The following RBFOX3 variants were observed in gnomAD, a reference collection of about 807,000 sequenced individuals.
The protein encoded by RBFOX3 is RNA binding fox-1 homolog 3, also known as RNA binding protein fox-1 homolog 3.
A neutral mutation model predicts 48.7 loss-of-function variants in RBFOX3; 17 were observed. The ratio of observed to expected loss-of-function variants is 0.35; its 90% confidence interval spans 0.24 to 0.52. The LOEUF (loss-of-function observed/expected upper bound fraction) is 0.52, where lower values mean the gene tolerates loss of function less well. Ranked by LOEUF, RBFOX3 falls within the 20% of genes least tolerant of loss-of-function variation. RBFOX3 has a pLI of 0.94. For synonymous variants in RBFOX3, 212 were observed against 209.5 expected (o/e 1.01, Z -0.10); for missense variants, 382 against 497.5 (o/e 0.77, Z 2.21).
intron 2 of RBFOX3, among the ~76,000 whole-genome samples, chr17:79,463,347 CCTCCACCGCCATCGCCACCGCCAG>C (rs2149290465): frequency 1.1e-5 from 1 of 90,418 alleles, no homozygotes; most frequent in Non-Finnish European, 2.5e-5. Context: ...ACCATCGCCA[CCTCCACCGCCATCGCCACCGCCAG>C]TGCCACCGCC....
At chr17:79,141,921 T>G (rs2144258997) in intron 4 of RBFOX3, among the ~76,000 whole-genome samples, 1 of 152,024 alleles carries the variant, frequency 6.6e-6, no homozygotes, top group African/African-American at 2.4e-5. Flanking sequence ...CTACCTGACC[T>G]CACAGGAAGA....
At chr17:79,620,637 A>G in the RBFOX3 span, among the ~76,000 whole-genome samples, 1 of 21,680 alleles carries the variant, frequency 4.6e-5, no homozygotes, top group African/African-American at 6.7e-5. Context: ...ACACACGCAC[A>G]CGCACACACA....
At chr17:79,526,815 G>A (rs1437846418) in intron 1 of RBFOX3, among the ~76,000 whole-genome samples, 5 of 152,330 alleles carry the variant, frequency 3.3e-5, no homozygotes, top group African/African-American at 7.2e-5. Context: ...GCACCTTCCC[G>A]TTATACCCAC....
intron 3 of RBFOX3, among the ~76,000 whole-genome samples, chr17:79,255,210 G>C (rs2064579986): frequency 6.9e-6 from 1 of 143,888 alleles, no homozygotes; most frequent in South Asian, 2.3e-4. Flanking sequence ...TGGCCCTGTG[G>C]TCACATGTGT....
chr17:79,432,100 A>G (rs1416519101), intron 2 of RBFOX3, among the ~76,000 whole-genome samples: 1 of 152,236 alleles, frequency 6.6e-6, no homozygotes, highest in African/African-American at 2.4e-5. Flanking sequence ...TTCTGGCTTC[A>G]TTCACACTGT....
At chr17:79,491,078 C>T (rs1260143357) in intron 1 of RBFOX3, among the ~76,000 whole-genome samples, 1 of 1,618 alleles carries the variant, frequency 6.2e-4, no homozygotes. Flanking sequence ...GGAGGGGAGG[C>T]GAGGGGAGGC....
chr17:79,268,737 G>A (rs924445674), intron 3 of RBFOX3, among the ~76,000 whole-genome samples: 1 of 151,730 alleles, frequency 6.6e-6, no homozygotes, highest in Non-Finnish European at 1.5e-5. Flanking sequence ...CCTTCACTCC[G>A]CTCCCCATCT....
intron 4 of RBFOX3, among the ~76,000 whole-genome samples, chr17:79,177,524 C>G (rs2050853290): frequency 6.6e-6 from 1 of 152,206 alleles, no homozygotes; most frequent in Admixed American, 6.5e-5. Context: ...CGTCAGCTTA[C>G]CCCCCTCTGC....
At chr17:79,369,976 C>T (rs959969783) in intron 2 of RBFOX3, among the ~76,000 whole-genome samples, 4 of 152,298 alleles carry the variant, frequency 2.6e-5, no homozygotes, top group Middle Eastern at 3.4e-3. Context: ...CCTCTAAGCC[C>T]CACCAGACGC....
At chr17:79,393,431 C>T (rs1454063656) in intron 2 of RBFOX3, among the ~76,000 whole-genome samples, 4 of 152,270 alleles carry the variant, frequency 2.6e-5, no homozygotes, top group South Asian at 4.1e-4. Flanking sequence ...CGCAGGGAAA[C>T]GCTCTCCGTT....
Position 79,499,340 on chromosome 17 carries a change from TTCCATCCATCTATATATTCA to T in RBFOX3, c.-319-16762_-319-16743del, listed in dbSNP as rs782344155. Among the ~76,000 whole-genome samples, 448 of 150,438 alleles carry T rather than the reference TTCCATCCATCTATATATTCA, an allele frequency of 3.0e-3. 4 individuals carry two copies. The highest frequency in any genetic ancestry group is 0.01 in the African/African-American group (424 of 40,908). On this transcript the variant is annotated intron_variant, in intron 1 of 14. Transcript: ENST00000693108. ...CACTCATCCATCCACGCATCCAACC[TTCCATCCATCTATATATTCA>T]TCCATCCATCCATCCATCCACTATT... is the stretch of plus-strand genomic sequence containing the variant.
chr17:79,513,961 C>G (rs1005659594), intron 1 of RBFOX3, among the ~76,000 whole-genome samples: 45 of 152,222 alleles, frequency 3.0e-4, no homozygotes, highest in Non-Finnish European at 5.3e-4. Context: ...AATCAAGATG[C>G]CCTGCCCACC....
intron 1 of RBFOX3, among the ~76,000 whole-genome samples, chr17:79,542,885 T>C (rs1185001869): frequency 1.3e-5 from 2 of 152,244 alleles, no homozygotes; most frequent in African/African-American, 2.4e-5. Flanking sequence ...ATATGTAAAT[T>C]GTATAAGGGA....
At chr17:79,416,537 C>A (rs935293636) in intron 2 of RBFOX3, among the ~76,000 whole-genome samples, 1 of 152,242 alleles carries the variant, frequency 6.6e-6, no homozygotes. Context: ...GTGGCCCCTG[C>A]GATGGCGTGA....
At chr17:79,428,546 G>T in intron 2 of RBFOX3, among the ~76,000 whole-genome samples, 1 of 152,236 alleles carries the variant, frequency 6.6e-6, no homozygotes, top group Non-Finnish European at 1.5e-5. Context: ...ACCCACAGGT[G>T]ACCCACGGGC....
At chr17:79,610,729 C>T (rs2093952907) in intron 1 of RBFOX3, among the ~76,000 whole-genome samples, 97 bp downstream of exon 1, 1 of 152,090 alleles carries the variant, frequency 6.6e-6, no homozygotes, top group Non-Finnish European at 1.5e-5. Flanking sequence ...CTGCGGGGTC[C>T]CATGCGCCCC....
chr17:79,155,457 C>T (rs1023949558), intron 4 of RBFOX3, among the ~76,000 whole-genome samples: 1 of 152,262 alleles, frequency 6.6e-6, no homozygotes, highest in African/African-American at 2.4e-5. Context: ...CGGAGCGGAG[C>T]CAGCATGAAA....
At chr17:79,634,678 A>G in the RBFOX3 span, among the ~76,000 whole-genome samples, 2 of 152,148 alleles carry the variant, frequency 1.3e-5, no homozygotes, top group Non-Finnish European at 2.9e-5. Context: ...GAGGGAGCAC[A>G]TGGGCTGTGA....
chr17:79,542,162 T>C (rs782394848), intron 1 of RBFOX3, among the ~76,000 whole-genome samples: 2 of 152,078 alleles, frequency 1.3e-5, no homozygotes, highest in Non-Finnish European at 2.9e-5. Flanking sequence ...ATTTTTTCAA[T>C]GGATATTTAC....
Sources: gnomAD v4.1 joint callset for allele counts (sites outside exome capture counted in the v4.1 genomes callset) on GRCh38, gnomAD v4.1.1 for gene constraint, MANE v1.5 for transcripts, NCBI Gene and HGNC (gene_info 2026-07-23, HGNC 2026-07-21) for gene names.